Variants in KIAA1217 observed in about 807,000 individuals in gnomAD.
KIAA1217 encodes KIAA1217.
A neutral mutation model predicts 163.9 loss-of-function variants in KIAA1217; 88 were observed. The ratio of observed to expected loss-of-function variants is 0.54; its 90% CI spans 0.45 to 0.64. The LOEUF (loss-of-function observed/expected upper bound fraction) is 0.64, where lower values mean the gene tolerates loss of function less well. Among genes scored for constraint, KIAA1217 ranks in the 30% least tolerant of loss-of-function variants. The pLI is 0.00. For synonymous variants in KIAA1217, 903 were observed against 923.1 expected, an observed-to-expected ratio of 0.98 and a Z score of 0.39; for missense variants, 2,372 against 2,475.0, an observed-to-expected ratio of 0.96 and a Z score of 0.88.
At chr10:23,933,687 T>G (rs904255739) in intron 1 of KIAA1217, among the ~76,000 whole-genome samples, 1 of 151,876 alleles carries the variant, frequency 6.6e-6, no homozygotes, top group South Asian at 2.1e-4. Flanking sequence ...AACTTAAACA[T>G]ATTTAAAAGA....
intron 2 of KIAA1217, among the ~76,000 whole-genome samples, chr10:24,241,526 A>G (rs2073096897): frequency 6.6e-6 from 1 of 152,184 alleles, no homozygotes; most frequent in African/African-American, 2.4e-5. Context: ...TTTCTTGGCC[A>G]TACAAGTAGA....
At chr10:24,327,855 G>T (rs2045128904) in intron 2 of KIAA1217, among the ~76,000 whole-genome samples, 1 of 152,092 alleles carries the variant, frequency 6.6e-6, no homozygotes, top group South Asian at 2.1e-4. Flanking sequence ...CTAACAAATG[G>T]CAGAGCCAAG....
At chr10:23,697,791 C>A (rs962639224) in intron 1 of KIAA1217, among the ~76,000 whole-genome samples, 2 of 151,724 alleles carry the variant, frequency 1.3e-5, no homozygotes, top group African/African-American at 4.8e-5. Context: ...GTGGGAAGAT[C>A]GCTTGAGCCC....
At chr10:23,934,579 A>G (rs376702292) in intron 1 of KIAA1217, among the ~76,000 whole-genome samples, 3,231 of 58,310 alleles carry the variant, frequency 0.055, 329 homozygotes, top group African/African-American at 0.35. Context: ...ATATATATAT[A>G]TATATATATA....
intron 2 of KIAA1217, among the ~76,000 whole-genome samples, chr10:24,199,153 T>C (rs1453633613): frequency 6.6e-6 from 1 of 152,012 alleles, no homozygotes; most frequent in Non-Finnish European, 1.5e-5. Flanking sequence ...GCCCAGGAGT[T>C]TGGAGGAGTT....
At chr10:24,057,080 C>CA (rs530272653) in intron 2 of KIAA1217, among the ~76,000 whole-genome samples, 4,165 of 144,278 alleles carry the variant, frequency 0.029, 170 homozygotes, top group African/African-American at 0.097. Flanking sequence ...CCCATCTCTA[C>CA]AAAAAAAAAA....
chr10:24,313,591 G>A (rs529712809), intron 2 of KIAA1217, among the ~76,000 whole-genome samples: 56 of 152,248 alleles, frequency 3.7e-4, no homozygotes, highest in African/African-American at 1.1e-3. Context: ...ATTTTCACGC[G>A]GGATGTCCTT....
At chr10:23,904,124 CATT>C (rs1842057673) in intron 1 of KIAA1217, among the ~76,000 whole-genome samples, 1 of 152,018 alleles carries the variant, frequency 6.6e-6, no homozygotes, top group Non-Finnish European at 1.5e-5. Flanking sequence ...GATGATGAAC[CATT>C]ATTATGTCTT....
intron 2 of KIAA1217, among the ~76,000 whole-genome samples, chr10:24,240,919 C>T (rs1348242416): frequency 2.0e-5 from 3 of 151,900 alleles, no homozygotes; most frequent in Non-Finnish European, 4.4e-5. Flanking sequence ...TGCAGTGGCG[C>T]GATCTTGGCT....
intron 1 of KIAA1217, among the ~76,000 whole-genome samples, chr10:23,708,200 C>A (rs1837013678): frequency 6.6e-6 from 1 of 152,116 alleles, no homozygotes; most frequent in Non-Finnish European, 1.5e-5. Context: ...TATTCACTAC[C>A]ACGAGAACAG....
At chr10:23,849,168 A>G (rs749154745) in intron 1 of KIAA1217, among the ~76,000 whole-genome samples, 1 of 152,132 alleles carries the variant, frequency 6.6e-6, no homozygotes, top group African/African-American at 2.4e-5. Flanking sequence ...GAATAAATGA[A>G]GTAGATTTTG....
intron 1 of KIAA1217, among the ~76,000 whole-genome samples, chr10:23,789,304 G>C (rs1348306614): frequency 2.6e-5 from 4 of 152,102 alleles, no homozygotes; most frequent in Non-Finnish European, 5.9e-5. Flanking sequence ...GAGTAATCTG[G>C]TATTGTACAG....
chr10:23,842,946 C>T (rs1838856875), intron 1 of KIAA1217, among the ~76,000 whole-genome samples: 1 of 152,074 alleles, frequency 6.6e-6, no homozygotes, highest in Admixed American at 6.6e-5. Flanking sequence ...TTATTTCTGA[C>T]AAAGAACCAA....
At chr10:24,009,384 T>G (rs374671445) in intron 2 of KIAA1217, among the ~76,000 whole-genome samples, 27 of 152,040 alleles carry the variant, frequency 1.8e-4, no homozygotes, top group Admixed American at 5.2e-4. Context: ...GACAGGGATT[T>G]TTTTTTTTAA....
chr10:23,774,601 G>A (rs774234941), intron 1 of KIAA1217, among the ~76,000 whole-genome samples: 50 of 152,250 alleles, frequency 3.3e-4, no homozygotes, highest in Non-Finnish European at 6.0e-4. Flanking sequence ...CTCCAGGCTC[G>A]AATTGGGCCA....
intron 2 of KIAA1217, among the ~76,000 whole-genome samples, chr10:24,011,799 T>C (rs766757814): frequency 1.4e-4 from 21 of 152,190 alleles, no homozygotes; most frequent in African/African-American, 4.8e-4. Flanking sequence ...ACAGTCAGCA[T>C]GTTTTTATTT....
In KIAA1217 at chr10:23,719,737, T is replaced by C. The variant is rs1448606895; in HGVS notation, c.-321+24503T>C. Among the ~76,000 whole-genome samples the C allele has an allele frequency of 2.0e-5, 3 of 151,718 alleles. No individual in the cohort carries two copies. In the East Asian group the frequency reaches 5.8e-4, roughly 29 times the overall value. ...ATCGAGACCGTCCTGGCCAACATGGTGAAACCCCATCTCCACTAAAAATAC... is the reference window on the plus strand; with the variant it reads ...ATCGAGACCGTCCTGGCCAACATGGCGAAACCCCATCTCCACTAAAAATAC... On this transcript the variant is annotated intron_variant, in intron 1 of 18. Transcript: ENST00000376462.
chr10:23,936,833 C>T (rs1431023824), intron 1 of KIAA1217, among the ~76,000 whole-genome samples: 1 of 152,148 alleles, frequency 6.6e-6, no homozygotes, highest in African/African-American at 2.4e-5. Flanking sequence ...ACACAGAAAG[C>T]ACTCATGTTG....
chr10:23,907,128 T>C (rs1842194086), intron 1 of KIAA1217, among the ~76,000 whole-genome samples: 1 of 152,130 alleles, frequency 6.6e-6, no homozygotes, highest in Admixed American at 6.6e-5. Context: ...GCAACTGGCC[T>C]AAAGACCTTT....
Sources: gnomAD v4.1 joint callset for allele counts (sites outside exome capture counted in the v4.1 genomes callset) on GRCh38, gnomAD v4.1.1 for gene constraint, MANE v1.5 for transcripts, NCBI Gene and HGNC (gene_info 2026-07-23, HGNC 2026-07-21) for gene names.